Variants in IMMP2L observed in about 807,000 individuals in gnomAD.
IMMP2L encodes the protein inner mitochondrial membrane peptidase subunit 2.
Under a neutral mutation model 19.3 loss-of-function variants are expected in IMMP2L, and 18 were observed. The ratio of observed to expected loss-of-function variants is 0.93; its 90% CI spans 0.64 to 1.38. IMMP2L has a LOEUF of 1.38. Among genes scored for constraint, IMMP2L ranks in the 40% most tolerant of loss-of-function variants. The pLI, the probability that IMMP2L is intolerant of heterozygous loss-of-function variation, is 0.00. For missense variants in IMMP2L, 233 were observed against 218.2 expected (o/e 1.07, Z -0.43); for synonymous variants, 76 against 73.0 (o/e 1.04, Z -0.21).
intron 3 of IMMP2L, among the ~76,000 whole-genome samples, chr7:111,301,747 A>T (rs2130004907): frequency 6.6e-6 from 1 of 152,042 alleles, no homozygotes. Flanking sequence ...CTCCTTTGTC[A>T]AAAATTAAGT....
chr7:111,291,212 C>A (rs1237139960), intron 3 of IMMP2L, among the ~76,000 whole-genome samples: 1 of 152,078 alleles, frequency 6.6e-6, no homozygotes, highest in Non-Finnish European at 1.5e-5. Context: ...CAGAAAAGAT[C>A]TTTTGAGGGA....
intron 5 of IMMP2L, among the ~76,000 whole-genome samples, chr7:110,753,613 C>T (rs961543019): frequency 2.2e-4 from 33 of 151,882 alleles, no homozygotes; most frequent in Non-Finnish European, 8.8e-5. Flanking sequence ...TACTTGTGGC[C>T]CTGAAGTGGA....
At chr7:111,008,651 A>G (rs1432521728) in intron 3 of IMMP2L, among the ~76,000 whole-genome samples, 1 of 151,904 alleles carries the variant, frequency 6.6e-6, no homozygotes, top group East Asian at 1.9e-4. Flanking sequence ...CCCTATTAAA[A>G]AAAAAAATCT....
chr7:111,225,744 G>C (rs1157915741), intron 3 of IMMP2L, among the ~76,000 whole-genome samples: 1 of 147,550 alleles, frequency 6.8e-6, no homozygotes, highest in Non-Finnish European at 1.5e-5. Context: ...GGAGTGCAAA[G>C]TAAATTATCC....
intron 3 of IMMP2L, among the ~76,000 whole-genome samples, chr7:111,281,736 T>C (rs1380587395): frequency 1.3e-5 from 2 of 152,072 alleles, no homozygotes; most frequent in African/African-American, 4.8e-5. Context: ...CTGTTATAAG[T>C]CAAGGATAGG....
intron 3 of IMMP2L, among the ~76,000 whole-genome samples, chr7:111,060,323 T>A (rs891266782): frequency 6.6e-6 from 1 of 152,226 alleles, no homozygotes; most frequent in Non-Finnish European, 1.5e-5. Flanking sequence ...TTAGCTTTTA[T>A]ACAAGAAACC....
At chr7:111,315,259 G>C (rs939440980) in intron 3 of IMMP2L, among the ~76,000 whole-genome samples, 3 of 152,048 alleles carry the variant, frequency 2.0e-5, no homozygotes, top group African/African-American at 7.2e-5. Context: ...GTCCTGCAGA[G>C]AGAAGTCCAA....
intron 5 of IMMP2L, among the ~76,000 whole-genome samples, chr7:110,771,321 A>G (rs557411025): frequency 2.0e-4 from 31 of 152,260 alleles, no homozygotes; most frequent in Middle Eastern, 3.4e-3. Flanking sequence ...TTCTTGCTAC[A>G]GGTTGATGCC....
intron 4 of IMMP2L, among the ~76,000 whole-genome samples, chr7:110,915,745 A>G (rs1051534627): frequency 1.3e-5 from 2 of 152,216 alleles, no homozygotes; most frequent in Admixed American, 6.5e-5. Flanking sequence ...TTGAATGTAC[A>G]TAACTTTTAC....
At chr7:111,502,016 A>C (rs1844322062) in intron 2 of IMMP2L, among the ~76,000 whole-genome samples, 1 of 152,150 alleles carries the variant, frequency 6.6e-6, no homozygotes, top group Non-Finnish European at 1.5e-5. Flanking sequence ...CAATTAAAAG[A>C]CACAGACTGG....
chr7:111,124,562 C>G, intron 3 of IMMP2L: 2 of 1,613,478 alleles, frequency 1.2e-6, no homozygotes, highest in South Asian at 2.2e-5. Context: ...GATATTCCCA[C>G]CATCTATCAG....
chr7:111,544,445 T>A (rs1409286297), intron 1 of IMMP2L, among the ~76,000 whole-genome samples: 1 of 152,176 alleles, frequency 6.6e-6, no homozygotes, highest in Non-Finnish European at 1.5e-5. Context: ...CAGTTCATAT[T>A]TCTTTAATGC....
At chr7:111,263,627 C>CT (rs1817547975) in intron 3 of IMMP2L, among the ~76,000 whole-genome samples, 1 of 152,038 alleles carries the variant, frequency 6.6e-6, no homozygotes, top group African/African-American at 2.4e-5. Context: ...ATCAGCATAT[C>CT]AATGGTATTT....
chr7:111,274,431 T>G (rs770646273), intron 3 of IMMP2L, among the ~76,000 whole-genome samples: 4 of 152,168 alleles, frequency 2.6e-5, no homozygotes, highest in Non-Finnish European at 5.9e-5. Context: ...GGCTGACGAA[T>G]GTAGTCAATA....
intron 5 of IMMP2L, among the ~76,000 whole-genome samples, chr7:110,771,167 G>A (rs1161050729): frequency 6.6e-6 from 1 of 152,110 alleles, no homozygotes; most frequent in African/African-American, 2.4e-5. Flanking sequence ...CTTTGCAGCA[G>A]AATTATTAGA....
intron 3 of IMMP2L, among the ~76,000 whole-genome samples, chr7:111,464,482 A>G (rs958481190): frequency 2.0e-5 from 3 of 152,170 alleles, no homozygotes; most frequent in African/African-American, 2.4e-5. Flanking sequence ...ACCATGCCTC[A>G]TAAGTAAATA....
intron 3 of IMMP2L, among the ~76,000 whole-genome samples, chr7:111,092,867 G>T (rs962544669): frequency 3.3e-5 from 5 of 152,146 alleles, no homozygotes; most frequent in African/African-American, 1.2e-4. Flanking sequence ...GCTCTCTCCT[G>T]CCTTCTTTTA....
rs936115663 is a variant in IMMP2L at position 110,791,783 on chromosome 7, G to A, written c.408+94810C>T. Among the ~76,000 whole-genome samples, 32 of 151,898 alleles carry A rather than the reference G, an allele frequency of 2.1e-4. 3 individuals are homozygous for A. Among genetic ancestry groups the A allele is most frequent in the African/African-American group, 7.5e-4 (31 of 41,238 alleles). On this transcript the variant is annotated intron_variant, in intron 5 of 5. Transcript: ENST00000405709. ...GCCTGAAAGCTCACTGAATACAGAAGCAGAGAATGTGTCCAGCAGACAGGA... is the reference window on the plus strand; with the variant it reads ...GCCTGAAAGCTCACTGAATACAGAAACAGAGAATGTGTCCAGCAGACAGGA...
chr7:111,238,977 G>A (rs1239096407), intron 3 of IMMP2L, among the ~76,000 whole-genome samples: 1 of 151,894 alleles, frequency 6.6e-6, no homozygotes, highest in Non-Finnish European at 1.5e-5. Flanking sequence ...TGCCATAATT[G>A]CAATAATAGT....
Sources: allele counts gnomAD v4.1 joint callset (sites outside exome capture counted in the v4.1 genomes callset), GRCh38; gene constraint gnomAD v4.1.1; transcripts MANE v1.5; gene names NCBI Gene and HGNC (gene_info 2026-07-23, HGNC 2026-07-21).